PDE4D: variants seen among roughly 807,000 people sequenced by gnomAD.
The protein encoded by PDE4D is 3',5'-cyclic-AMP phosphodiesterase 4D.
A neutral mutation model predicts 87.4 loss-of-function variants in PDE4D; 24 were observed. That is an observed-to-expected ratio of 0.27 (90% CI 0.20 to 0.39). PDE4D has a LOEUF of 0.39. PDE4D is among the 10% of genes least tolerant of loss of function. The pLI, the probability that PDE4D is intolerant of heterozygous loss-of-function variation, is 1.00. For synonymous variants in PDE4D, 384 were observed against 383.2 expected (o/e 1.00, Z -0.02); for missense variants, 714 against 1,041.0 (o/e 0.69, Z 4.32).
chr5:59,475,586 T>C (rs1043021320), intron 1 of PDE4D, among the ~76,000 whole-genome samples: 2 of 152,002 alleles, frequency 1.3e-5, no homozygotes, highest in African/African-American at 4.8e-5. Context: ...CTTTAAGAGG[T>C]TTAGAGAAAA....
intron 2 of PDE4D, among the ~76,000 whole-genome samples, chr5:59,201,164 T>C (rs1203158770): frequency 1.3e-5 from 2 of 152,136 alleles, no homozygotes; most frequent in Non-Finnish European, 2.9e-5. Context: ...TTATCATTCA[T>C]TCATTTTTAA....
intron 1 of PDE4D, among the ~76,000 whole-genome samples, chr5:59,310,766 GT>G (rs1326494258): frequency 1.3e-5 from 2 of 152,130 alleles, no homozygotes; most frequent in African/African-American, 4.8e-5. Context: ...TTAAATACTT[GT>G]TTTCCATGCT....
intron 1 of PDE4D, among the ~76,000 whole-genome samples, chr5:59,646,681 A>G (rs933652854): frequency 1.3e-5 from 2 of 152,192 alleles, no homozygotes; most frequent in African/African-American, 4.8e-5. Flanking sequence ...ATTCACAAAC[A>G]TATAAACTAG....
intron 1 of PDE4D, among the ~76,000 whole-genome samples, chr5:59,798,288 GTGTGTGTGTT>G (rs1766730647): frequency 2.3e-5 from 3 of 131,844 alleles, no homozygotes; most frequent in Admixed American, 7.4e-5. Context: ...GTGTGTGTGT[GTGTGTGTGTT>G]TGTGTGTATG....
At chr5:59,085,551 A>G (rs779439949) in intron 5 of PDE4D, among the ~76,000 whole-genome samples, 1 of 152,230 alleles carries the variant, frequency 6.6e-6, no homozygotes, top group Non-Finnish European at 1.5e-5. Context: ...CATGCAAACA[A>G]CTACCCTCTT....
intron 3 of PDE4D, among the ~76,000 whole-genome samples, chr5:59,937,249 C>T (rs1278336021): frequency 6.6e-6 from 1 of 152,114 alleles, no homozygotes; most frequent in Non-Finnish European, 1.5e-5. Flanking sequence ...TCTTAAGTAT[C>T]CTCAATGAGG....
intron 1 of PDE4D, among the ~76,000 whole-genome samples, chr5:59,713,008 T>C (rs1465930013): frequency 6.6e-6 from 1 of 152,210 alleles, no homozygotes; most frequent in Admixed American, 6.5e-5. Context: ...GGCATGGATA[T>C]CATCATTCTG....
intron 1 of PDE4D, among the ~76,000 whole-genome samples, chr5:60,517,291 G>C (rs956060247): frequency 1.3e-4 from 20 of 152,338 alleles, no homozygotes; most frequent in Middle Eastern, 6.8e-3. Context: ...GGCATGAACA[G>C]CCTGGGTGCC....
At chr5:60,478,420 T>G (rs1031849735) in intron 1 of PDE4D, among the ~76,000 whole-genome samples, 2 of 152,154 alleles carry the variant, frequency 1.3e-5, no homozygotes, top group Non-Finnish European at 2.9e-5. Flanking sequence ...ACTTCATCCT[T>G]CAGTAATTCT....
chr5:59,476,062 C>G (rs1803248707), intron 1 of PDE4D, among the ~76,000 whole-genome samples: 2 of 152,090 alleles, frequency 1.3e-5, no homozygotes, highest in South Asian at 4.2e-4. Context: ...GGGAAAGAAT[C>G]AGAAGCACGA....
At chr5:59,372,438 G>GA (rs1167211738) in intron 1 of PDE4D, among the ~76,000 whole-genome samples, 5 of 152,068 alleles carry the variant, frequency 3.3e-5, no homozygotes, top group Non-Finnish European at 2.9e-5. Context: ...TTAAAATGAA[G>GA]AAAAAAATTG....
intron 1 of PDE4D, among the ~76,000 whole-genome samples, chr5:60,209,187 C>CTTTT (rs58524375): frequency 9.2e-5 from 10 of 108,494 alleles, no homozygotes; most frequent in African/African-American, 1.4e-4. Context: ...TTCTTTTTTT[C>CTTTT]TTTTTTTTTT....
At chr5:59,548,642 A>C (rs1049863755) in intron 1 of PDE4D, among the ~76,000 whole-genome samples, 2 of 152,178 alleles carry the variant, frequency 1.3e-5, no homozygotes, top group African/African-American at 4.8e-5. Flanking sequence ...GAAAGTCTGC[A>C]CTTGAGGATA....
At chr5:59,064,068 T>C (rs924237847) in intron 5 of PDE4D, among the ~76,000 whole-genome samples, 9 of 148,412 alleles carry the variant, frequency 6.1e-5, no homozygotes, top group African/African-American at 2.2e-4. Context: ...TTAAAAAAAA[T>C]GAGAAAAAAA....
At chr5:59,636,302 C>G (rs1042258706) in intron 1 of PDE4D, among the ~76,000 whole-genome samples, 4 of 152,182 alleles carry the variant, frequency 2.6e-5, no homozygotes, top group Non-Finnish European at 4.4e-5. Context: ...AATGGCCACA[C>G]TGTCCAAAGT....
Position 59,438,965 on chromosome 5 carries a change from T to C in PDE4D, c.456-222997A>G, listed in dbSNP as rs188500727. ...AGTTGTCTCCTTGTATTTAAATCCA[T>C]ACAGCAGTGAAATATCATTGTCATT... On this transcript the variant is annotated intron_variant, in intron 1 of 14. Transcript: ENST00000340635. 1.2e-3 allele frequency among the ~76,000 whole-genome samples: 182 copies of C among 152,358 alleles called. 1 individual carries two copies. Among genetic ancestry groups the C allele is most frequent in the Middle Eastern group, 3.4e-3 (1 of 294 alleles).
chr5:60,397,648 G>A (rs1422701990), intron 1 of PDE4D, among the ~76,000 whole-genome samples: 3 of 152,222 alleles, frequency 2.0e-5, no homozygotes, highest in Non-Finnish European at 2.9e-5. Flanking sequence ...GGGACAGAGA[G>A]TTGTAAGTGG....
In PDE4D at chr5:59,490,874, T is replaced by C. The variant is rs967095745; in HGVS notation, c.456-274906A>G. Among the ~76,000 whole-genome samples, 3 of 152,298 alleles carry C rather than the reference T, an allele frequency of 2.0e-5. 1 individual carries two copies. Among genetic ancestry groups the C allele is most frequent in the South Asian group, 4.1e-4 (2 of 4,824 alleles). Reference sequence around the variant, plus strand: ...AGAAACTCTAGGCAATGTATCTCTATCCAGATTAAGTCTTCAGGGAGTACA... The same window carrying C: ...AGAAACTCTAGGCAATGTATCTCTACCCAGATTAAGTCTTCAGGGAGTACA... On this transcript the variant is annotated intron_variant, in intron 1 of 14. Coordinates refer to ENST00000340635, the MANE Select transcript of PDE4D (RefSeq NM_001104631.2).
At chr5:59,088,053 C>T (rs1768028209) in intron 5 of PDE4D, among the ~76,000 whole-genome samples, 1 of 152,148 alleles carries the variant, frequency 6.6e-6, no homozygotes, top group Non-Finnish European at 1.5e-5. Flanking sequence ...AGTACAATTC[C>T]TAGGCATGCA....
Sources: allele counts gnomAD v4.1 joint callset (sites outside exome capture counted in the v4.1 genomes callset), GRCh38; gene constraint gnomAD v4.1.1; transcripts MANE v1.5; gene names NCBI Gene and HGNC (gene_info 2026-07-23, HGNC 2026-07-21).